Variants in REV3L observed in about 807,000 individuals in gnomAD.
REV3L encodes the protein REV3 like, DNA directed polymerase zeta catalytic subunit.
Under a neutral mutation model 299.4 loss-of-function variants are expected in REV3L, and 69 were observed. That is an observed-to-expected ratio of 0.23 (90% CI 0.19 to 0.28). REV3L has a LOEUF of 0.28. Among genes scored for constraint, REV3L ranks in the 10% least tolerant of loss-of-function variants. REV3L has a pLI of 1.00. For missense variants in REV3L, 3,128 were observed against 3,693.8 expected (o/e 0.85, Z 3.97); for synonymous variants, 1,238 against 1,271.4 (o/e 0.97, Z 0.56).
At chr6:111,355,413 G>GT (rs1777989472) in intron 18 of REV3L, among the ~76,000 whole-genome samples, 1 of 152,162 alleles carries the variant, frequency 6.6e-6, no homozygotes, top group African/African-American at 2.4e-5. Context: ...GCTGTGCTGA[G>GT]TAGGTACACA....
chr6:111,451,558 G>A (rs760079751), intron 1 of REV3L, among the ~76,000 whole-genome samples: 39 of 152,050 alleles, frequency 2.6e-4, no homozygotes, highest in Non-Finnish European at 4.4e-4. Context: ...TAAAATCCTA[G>A]GGCACAGAAT....
upstream of REV3L, chr6:111,483,338 A>C: frequency 4.4e-6 from 2 of 455,296 alleles, no homozygotes; most frequent in East Asian, 3.8e-5. Context: ...CGGGCGGGAC[A>C]CGGAGGGCGG....
rs764148865 is a variant in REV3L at position 111,315,318 on chromosome 6, G to A, written c.8415C>T (p.Ala2805=). The A allele has an allele frequency of 8.1e-5, 130 of 1,613,742 alleles. No individual in the cohort carries two copies. The highest frequency in any genetic ancestry group is 1.0e-4 in the Non-Finnish European group (119 of 1,179,962). ...EQSFKIGQEI[A]EAVTATNPKP... ...TAGGATTGGTAGCAGTTACAGCTTC[G>A]GCAATTTCCTGACCAATCTTAAAAG... is the stretch of plus-strand genomic sequence containing the variant. The change falls in exon 27 of 32, where the codon GCC becomes GCT. Residue 2805 remains alanine (A), a synonymous_variant. Coordinates refer to ENST00000368802, the MANE Select transcript of REV3L (RefSeq NM_001372078.1).
At chr6:111,433,310 G>C (rs1247450843) in intron 1 of REV3L, among the ~76,000 whole-genome samples, 1 of 151,570 alleles carries the variant, frequency 6.6e-6, no homozygotes, top group Non-Finnish European at 1.5e-5. Context: ...AGCTAGGCTG[G>C]AAAAAAGAGA....
In REV3L at chr6:111,390,167, C is replaced by G. The variant is rs769301237; in HGVS notation, c.676G>C (p.Glu226Gln). ...QDEIPSSLIL[E>Q]GVEPQSTCEL... ...CATGTACTCTGTGGTTCAACACCTT[C>G]CAATATTAAAGAGCTGCAATTAAAG... The change falls in exon 6 of 32, where the codon GAA becomes CAA. Residue 226 changes from glutamate to glutamine, a missense_variant. Physicochemically the swap from Glu to Gln is conservative, Grantham distance 29. Around this residue, in one of 9 missense-constraint regions of REV3L, gnomAD observed 2,409 missense variants for 2,611.8 expected, o/e 0.92. Transcript: ENST00000368802. 3 of 1,596,488 alleles carry G rather than the reference C, an allele frequency of 1.9e-6. No individual in the cohort carries two copies. Among genetic ancestry groups the G allele is most frequent in the Non-Finnish European group, 2.6e-6 (3 of 1,164,672 alleles).
At chr6:111,432,889 A>T (rs1485631378) in intron 1 of REV3L, among the ~76,000 whole-genome samples, 2 of 152,204 alleles carry the variant, frequency 1.3e-5, no homozygotes, top group Non-Finnish European at 2.9e-5. Flanking sequence ...ATTAATAACA[A>T]AAGGAAGCTT....
intron 1 of REV3L, among the ~76,000 whole-genome samples, chr6:111,439,243 C>A (rs953238809): frequency 6.6e-6 from 1 of 152,084 alleles, no homozygotes; most frequent in Admixed American, 6.5e-5. Context: ...CAAATTTGAG[C>A]GATTTTCTTA....
At chr6:111,357,208 C>T in intron 17 of REV3L, 83 bp from the exon 18 acceptor site, 1 of 443,200 alleles carries the variant, frequency 2.3e-6, no homozygotes, top group Non-Finnish European at 3.7e-6. Context: ...TTATCCTCTA[C>T]TTTTAAGTAA....
chr6:111,438,932 AAAAC>A (rs925291727), intron 1 of REV3L, among the ~76,000 whole-genome samples: 11 of 152,122 alleles, frequency 7.2e-5, no homozygotes, highest in African/African-American at 2.6e-4. Context: ...AAAGACAAAA[AAAAC>A]AGTCAATTTT....
At chr6:111,372,387 T>A (rs1262485313) in intron 13 of REV3L, among the ~76,000 whole-genome samples, 1 of 152,224 alleles carries the variant, frequency 6.6e-6, no homozygotes, top group African/African-American at 2.4e-5. Context: ...TTTCTCTAGG[T>A]GTAACCATCC....
rs773178624 is a variant in REV3L at position 111,315,255 on chromosome 6, C to T, written c.8466+12G>A. The T allele has an allele frequency of 3.5e-5, 56 of 1,597,680 alleles. No individual in the cohort carries two copies. Among genetic ancestry groups the T allele is most frequent in the South Asian group, 2.4e-4 (22 of 90,438 alleles). ...ATTTTATATGTAATTACTAATATTACATTCCTCTTACCTTTTCAAACTTCA... is the reference window on the plus strand; with the variant it reads ...ATTTTATATGTAATTACTAATATTATATTCCTCTTACCTTTTCAAACTTCA... On this transcript the variant is annotated intron_variant, in intron 27 of 31. Coordinates refer to ENST00000368802, the MANE Select transcript of REV3L (RefSeq NM_001372078.1).
chr6:111,366,279 G>A (rs1779200185), intron 14 of REV3L, among the ~76,000 whole-genome samples: 1 of 152,200 alleles, frequency 6.6e-6, no homozygotes. Context: ...TAGCATTCAA[G>A]TGGAAATGTC....
chr6:111,339,083 T>C (rs1776228879), intron 21 of REV3L, among the ~76,000 whole-genome samples: 1 of 152,160 alleles, frequency 6.6e-6, no homozygotes, highest in African/African-American at 2.4e-5. Flanking sequence ...AAAAACTTAA[T>C]AACCTTTGCT....
rs774543470 is a variant in REV3L, at chr6:111,331,723, C to T, written c.7987G>A (p.Val2663Ile). Residue 2663 changes from valine (V) to isoleucine (I), a missense_variant, in exon 24 of 32, where the codon GTT becomes ATT. Transcript: ENST00000368802. ...LRVPPDLLYQVRHDITVSPNG... is the reference protein window; with the variant it reads ...LRVPPDLLYQIRHDITVSPNG... ...GGGGACACTGTGATATCATGCCTAACTTGGTAAAGTAAATCTGGAGGTACT... is the reference window on the plus strand; with the variant it reads ...GGGGACACTGTGATATCATGCCTAATTTGGTAAAGTAAATCTGGAGGTACT... 6.2e-7 allele frequency: 1 copy of T among 1,613,396 alleles called. No individual in the cohort carries two copies. Among genetic ancestry groups the T allele is most frequent in the South Asian group, 1.1e-5 (1 of 91,048 alleles).
intron 1 of REV3L, among the ~76,000 whole-genome samples, chr6:111,473,345 G>C (rs574714710): frequency 1.3e-5 from 2 of 151,462 alleles, no homozygotes; most frequent in East Asian, 3.9e-4. Context: ...ATAGGTGCCT[G>C]GCCCTAGATT....
chr6:111,433,802 C>T (rs983119641), intron 1 of REV3L, among the ~76,000 whole-genome samples: 43 of 152,292 alleles, frequency 2.8e-4, no homozygotes, highest in African/African-American at 1.0e-3. Flanking sequence ...CAAAAATCCT[C>T]AACAAAATTC....
chr6:111,388,200 C>T (rs528802001), intron 7 of REV3L, 115 bp from the exon 8 acceptor site: 4 of 654,348 alleles, frequency 6.1e-6, no homozygotes, highest in Admixed American at 2.8e-5. Context: ...TCTAGATATA[C>T]ATAATACAAC....
At chr6:111,454,379 T>C (rs1297670192) in intron 1 of REV3L, among the ~76,000 whole-genome samples, 1 of 152,216 alleles carries the variant, frequency 6.6e-6, no homozygotes, top group Non-Finnish European at 1.5e-5. Flanking sequence ...ATGAATTTTT[T>C]TTTTTTAAAT....
intron 25 of REV3L, among the ~76,000 whole-genome samples, chr6:111,327,797 T>C (rs1285878389): frequency 1.3e-5 from 2 of 152,228 alleles, no homozygotes; most frequent in Non-Finnish European, 2.9e-5. Flanking sequence ...ATCATATTAC[T>C]GTACCAAAAT....
Sources: allele counts gnomAD v4.1 joint callset (sites outside exome capture counted in the v4.1 genomes callset), GRCh38; gene constraint gnomAD v4.1.1; regional missense constraint gnomAD v4.1.1; transcripts MANE v1.5; gene names NCBI Gene and HGNC (gene_info 2026-07-23, HGNC 2026-07-21).